ADK: variants seen among roughly 807,000 people sequenced by gnomAD.
ADK encodes adenosine kinase, also known as N6,N6-dimethyladenosine kinase.
Under a neutral mutation model 44.7 loss-of-function variants are expected in ADK, and 24 were observed. That is an observed-to-expected ratio of 0.54 (90% CI 0.39 to 0.76). The LOEUF is 0.76. ADK is among the 30% of genes least tolerant of loss of function. The pLI, the probability that ADK is intolerant of heterozygous loss-of-function variation, is 0.00. For missense variants in ADK, 321 were observed against 425.1 expected, an observed-to-expected ratio of 0.76 and a Z score of 2.15; for synonymous variants, 128 against 142.6, an observed-to-expected ratio of 0.90 and a Z score of 0.73.
chr10:74,681,148 T>G (rs1369870106), intron 10 of ADK, among the ~76,000 whole-genome samples: 1 of 152,232 alleles, frequency 6.6e-6, no homozygotes, highest in Non-Finnish European at 1.5e-5. Flanking sequence ...ATCTTTTGTT[T>G]TTAACTATAT....
chr10:74,224,693 G>A, intron 3 of ADK, 102 bp downstream of exon 3: 1 of 920,204 alleles, frequency 1.1e-6, no homozygotes, highest in Non-Finnish European at 1.7e-6. Flanking sequence ...TAATGACAAA[G>A]TATAATTAAC....
At chr10:74,287,733 C>T (rs529604695) in intron 3 of ADK, among the ~76,000 whole-genome samples, 3 of 151,856 alleles carry the variant, frequency 2.0e-5, no homozygotes, top group Admixed American at 6.6e-5. Context: ...TTTGCATTGA[C>T]GTTGCCTGTA....
chr10:74,583,397 A>T (rs934586033), intron 7 of ADK, among the ~76,000 whole-genome samples: 2 of 152,242 alleles, frequency 1.3e-5, no homozygotes, highest in Non-Finnish European at 2.9e-5. Flanking sequence ...TTGTGAATTA[A>T]AACTTCAAAT....
chr10:74,442,560 C>T (rs1469927296), intron 6 of ADK, among the ~76,000 whole-genome samples: 2 of 152,136 alleles, frequency 1.3e-5, no homozygotes, highest in East Asian at 1.9e-4. Context: ...GCAGGAGAAT[C>T]GCTCAAACCC....
chr10:74,337,788 G>A (rs1841456538), intron 4 of ADK, among the ~76,000 whole-genome samples: 2 of 143,600 alleles, frequency 1.4e-5, no homozygotes. Context: ...TTGAGTCAGA[G>A]TCTTGCTCTT....
intron 10 of ADK, among the ~76,000 whole-genome samples, chr10:74,679,724 G>A (rs1233536040): frequency 6.6e-6 from 1 of 152,110 alleles, no homozygotes; most frequent in Non-Finnish European, 1.5e-5. Flanking sequence ...CACTTTGGGA[G>A]GCTGAGACAG....
chr10:74,185,037 C>A (rs185945916), intron 1 of ADK, among the ~76,000 whole-genome samples: 1 of 152,204 alleles, frequency 6.6e-6, no homozygotes, highest in East Asian at 1.9e-4. Flanking sequence ...GTTTCCTCAT[C>A]CGTTAAAAAG....
At chr10:74,274,421 T>C (rs1361594815) in intron 3 of ADK, among the ~76,000 whole-genome samples, 10 of 151,742 alleles carry the variant, frequency 6.6e-5, no homozygotes, top group African/African-American at 2.4e-4. Context: ...AATTAGCTCG[T>C]GGTGGTGGCA....
intron 7 of ADK, among the ~76,000 whole-genome samples, chr10:74,539,006 ATAT>A (rs1849543391): frequency 6.6e-6 from 1 of 152,060 alleles, no homozygotes; most frequent in Non-Finnish European, 1.5e-5. Context: ...CTTCTTTCAG[ATAT>A]TCTTCTTTTG....
Position 74,558,937 on chromosome 10 carries a change from T to G in ADK, c.727-30345T>G, listed in dbSNP as rs965792678. ...TGTCTCAGGAAGACTTAGGACTAAC[T>G]TTAGGCTTTGAAGTAAACAGAAGCT... On this transcript the variant is annotated intron_variant, in intron 7 of 10. Transcript: ENST00000539909. Among the ~76,000 whole-genome samples the G allele has an allele frequency of 3.3e-5, 5 of 152,318 alleles. No individual in the cohort carries two copies. The East Asian group carries it at 9.6e-4, about 29-fold the overall frequency.
At chr10:74,251,637 GC>G (rs1202545945) in intron 3 of ADK, among the ~76,000 whole-genome samples, 3 of 152,100 alleles carry the variant, frequency 2.0e-5, no homozygotes, top group Admixed American at 6.6e-5. Context: ...GATTGTTACA[GC>G]AAATAAGTGG....
intron 6 of ADK, among the ~76,000 whole-genome samples, chr10:74,413,459 CTTCT>C (rs1844257451): frequency 6.6e-6 from 1 of 152,176 alleles, no homozygotes; most frequent in African/African-American, 2.4e-5. Flanking sequence ...ATGGAGATTG[CTTCT>C]TTCTTTCAAC....
intron 10 of ADK, among the ~76,000 whole-genome samples, chr10:74,686,343 C>A (rs1816858287): frequency 6.6e-6 from 1 of 152,122 alleles, no homozygotes; most frequent in Admixed American, 6.5e-5. Context: ...CTCTAAAATT[C>A]TAGCATTGTC....
intron 7 of ADK, among the ~76,000 whole-genome samples, chr10:74,563,392 C>A (rs10762630): frequency 0.23 from 34,876 of 152,092 alleles, 4,940 homozygotes; most frequent in East Asian, 0.63. Context: ...GAGATTCTTT[C>A]TTCACCCATG....
At chr10:74,403,714 G>C (rs549922691) in intron 6 of ADK, among the ~76,000 whole-genome samples, 1 of 152,062 alleles carries the variant, frequency 6.6e-6, no homozygotes, top group African/African-American at 2.4e-5. Flanking sequence ...GCGATGCCCC[G>C]CCCTGCTTTG....
In ADK at chr10:74,173,252, G is replaced by A. The variant is rs1399308984; in HGVS notation, c.65+21909G>A. Among the ~76,000 whole-genome samples, 5 of 149,890 alleles carry A rather than the reference G, an allele frequency of 3.3e-5. No homozygotes were observed. The South Asian group carries it at 6.4e-4, about 19-fold the overall frequency. On this transcript the variant is annotated intron_variant, in intron 1 of 10. Coordinates refer to ENST00000539909, the MANE Select transcript of ADK (RefSeq NM_006721.4). ...ACTACAGGCACCCGCCACCACGCCCGGCTAATTTTTTTTTTAATTTTTAGT... is the reference window on the plus strand; with the variant it reads ...ACTACAGGCACCCGCCACCACGCCCAGCTAATTTTTTTTTTAATTTTTAGT...
intron 2 of ADK, among the ~76,000 whole-genome samples, chr10:74,217,305 C>T (rs1284175186): frequency 5.3e-5 from 8 of 152,204 alleles, no homozygotes; most frequent in South Asian, 2.1e-4. Context: ...AAGGCGGCAG[C>T]GAGGCTGGGA....
chr10:74,213,305 T>C lies in ADK; in HGVS notation c.141-11233T>C, dbSNP rs183531052. The stretch of plus-strand genomic sequence containing the variant: ...AAAAAATTTGTTTTTTAGAGATGGG[T>C]CTCACTATGTTGCCCAGGCTGGTCT... On this transcript the variant is annotated intron_variant, in intron 2 of 10. Coordinates refer to ENST00000539909, the MANE Select transcript of ADK (RefSeq NM_006721.4). Among the ~76,000 whole-genome samples, 25 of 152,218 alleles carry C rather than the reference T, an allele frequency of 1.6e-4. No individual in the cohort carries two copies. In the East Asian group the frequency reaches 4.4e-3, roughly 27 times the overall value.
At chr10:74,544,730 C>A (rs1428784203) in intron 7 of ADK, among the ~76,000 whole-genome samples, 1 of 151,926 alleles carries the variant, frequency 6.6e-6, no homozygotes, top group Non-Finnish European at 1.5e-5. Context: ...CAAACATTAG[C>A]TGGGCGTGGT....
Sources: gnomAD v4.1 joint callset for allele counts (sites outside exome capture counted in the v4.1 genomes callset) on GRCh38, gnomAD v4.1.1 for gene constraint, MANE v1.5 for transcripts, NCBI Gene and HGNC (gene_info 2026-07-23, HGNC 2026-07-21) for gene names.